PUDP: variants seen among roughly 807,000 people sequenced by gnomAD.
PUDP encodes the protein pseudouridine-5'-phosphatase.
In PUDP, 8 loss-of-function variants were observed where a neutral mutation model predicts 9.4. The ratio of observed to expected loss-of-function variants is 0.85; its 90% CI spans 0.50 to 1.53. The LOEUF (loss-of-function observed/expected upper bound fraction) is 1.53, where lower values mean the gene tolerates loss of function less well. Among genes scored for constraint, PUDP ranks in the 40% most tolerant of loss-of-function variants. PUDP has a pLI of 0.00. For synonymous variants in PUDP, 99 were observed against 80.7 expected (o/e 1.23, Z -1.22); for missense variants, 188 against 189.7 (o/e 0.99, Z 0.05).
At chrX:7,122,012 C>G (rs1932355261) in intron 1 of PUDP, among the ~76,000 whole-genome samples, 1 of 111,209 alleles carries the variant, frequency 9.0e-6, no homozygotes. Flanking sequence ...ACAGCGAGAC[C>G]CTGTCTCTAC....
chrX:6,769,788 G>A (rs200580225), intron 3 of PUDP, among the ~76,000 whole-genome samples: 15 of 112,180 alleles, frequency 1.3e-4, no homozygotes, highest in African/African-American at 3.6e-4. Flanking sequence ...TGAGCCTAGC[G>A]CCTGGGCTCT....
At position 6,888,316 on chromosome X, in the gene PUDP, T is replaced by G. The variant is rs1044907096; in HGVS notation, c.*247+88817A>C. Among the ~76,000 whole-genome samples, 4 of 110,188 alleles carry G rather than the reference T, an allele frequency of 3.6e-5. No homozygotes were observed. The East Asian group carries it at 1.1e-3, about 31-fold the overall frequency. On this transcript the variant is annotated intron_variant and NMD_transcript_variant, in intron 3 of 3. Coordinates refer to the PUDP transcript ENST00000655425. ...ATTTAAGTGGCCCCAGAAAAGGTAA[T>G]TGATCACATGTACGTGAACATTTTT...
At chrX:6,787,285 A>C (rs1227175252) in intron 3 of PUDP, among the ~76,000 whole-genome samples, 1 of 112,024 alleles carries the variant, frequency 8.9e-6, no homozygotes, top group Non-Finnish European at 1.9e-5. Flanking sequence ...ATTACCCTCA[A>C]AACATGTACC....
chrX:6,801,862 G>C (rs1317395257), intron 3 of PUDP, among the ~76,000 whole-genome samples: 1 of 112,038 alleles, frequency 8.9e-6, no homozygotes, highest in African/African-American at 3.2e-5. Flanking sequence ...GCTTCAAAGA[G>C]AGCGATGAGC....
chrX:6,725,841 T>C (rs1023340904), upstream of PUDP, among the ~76,000 whole-genome samples: 9 of 111,895 alleles, frequency 8.0e-5, no homozygotes, highest in East Asian at 1.1e-3. Flanking sequence ...ACAACTTCTA[T>C]GGAAAACAGT....
At chrX:6,769,846 T>C (rs1481059280) in intron 3 of PUDP, among the ~76,000 whole-genome samples, 1 of 111,997 alleles carries the variant, frequency 8.9e-6, no homozygotes, top group Non-Finnish European at 1.9e-5. Flanking sequence ...AAAATATTAA[T>C]ATAAAGAAAC....
downstream of PUDP, among the ~76,000 whole-genome samples, chrX:7,045,792 C>G (rs1325167835): frequency 9.0e-6 from 1 of 111,716 alleles, no homozygotes; most frequent in African/African-American, 3.3e-5. Context: ...AAAACCTGAA[C>G]GGTAGCTAGA....
intron 3 of PUDP, among the ~76,000 whole-genome samples, chrX:6,732,572 GGAGA>G (rs1185652324): frequency 2.9e-5 from 3 of 103,458 alleles, no homozygotes; most frequent in Non-Finnish European, 4.0e-5. Flanking sequence ...AGGTAGGGAG[GGAGA>G]GAGGGAGGGA....
intron 1 of PUDP, among the ~76,000 whole-genome samples, chrX:6,713,772 G>C (rs1270316269): frequency 9.0e-6 from 1 of 110,699 alleles, no homozygotes; most frequent in African/African-American, 3.3e-5. Flanking sequence ...GGACTGTCGG[G>C]CACTGTGGAT....
chrX:7,002,036 AGAT>A (rs1275758421), intron 1 of PUDP, among the ~76,000 whole-genome samples: 1 of 112,084 alleles, frequency 8.9e-6, no homozygotes, highest in African/African-American at 3.2e-5. Context: ...CATAAATAAA[AGAT>A]GATATTTGCA....
rs756476054 is a variant in PUDP, at chrX:7,098,955, C to T, written c.280+6665G>A. Among the ~76,000 whole-genome samples the T allele has an allele frequency of 5.4e-5, 6 of 110,924 alleles. No homozygotes were observed. The East Asian group carries it at 1.1e-3, about 21-fold the overall frequency. On this transcript the variant is annotated intron_variant, in intron 2 of 3. Transcript: ENST00000381077. ...CCGGCCAAGAGATGCAGGGGAGAGCCGGCCAGGCTGAGGAGCACATCTGCA... is the reference window on the plus strand; with the variant it reads ...CCGGCCAAGAGATGCAGGGGAGAGCTGGCCAGGCTGAGGAGCACATCTGCA...
intron 1 of PUDP, among the ~76,000 whole-genome samples, chrX:6,996,099 T>C (rs5935720): frequency 0.37 from 40,371 of 110,080 alleles, 5,512 homozygotes; most frequent in Non-Finnish European, 0.41. Context: ...TATGGGCAAA[T>C]ACATACACTG....
chrX:6,727,537 A>G (rs936055239), intron 3 of PUDP, among the ~76,000 whole-genome samples: 1 of 112,213 alleles, frequency 8.9e-6, no homozygotes, highest in African/African-American at 3.2e-5. Flanking sequence ...ACTTTTTACT[A>G]CTGGGTGTGC....
chrX:7,015,565 C>T (rs1016822950), intron 1 of PUDP, among the ~76,000 whole-genome samples: 4 of 111,349 alleles, frequency 3.6e-5, no homozygotes, highest in Non-Finnish European at 5.6e-5. Context: ...TAGGTCAGAT[C>T]ATTTCTTCTT....
intron 3 of PUDP, among the ~76,000 whole-genome samples, chrX:6,800,097 C>T (rs186161724): frequency 3.1e-3 from 351 of 111,723 alleles, no homozygotes; most frequent in Non-Finnish European, 5.1e-3. Flanking sequence ...GTGATAAATT[C>T]GAATACAATA....
chrX:6,895,051 C>T (rs1270415694), intron 3 of PUDP, among the ~76,000 whole-genome samples: 1 of 110,164 alleles, frequency 9.1e-6, no homozygotes, highest in African/African-American at 3.3e-5. Context: ...ATCATGGGTG[C>T]AAAGAGAGAA....
intron 3 of PUDP, among the ~76,000 whole-genome samples, chrX:6,923,239 G>A (rs755429335): frequency 1.8e-5 from 2 of 111,511 alleles, no homozygotes; most frequent in Non-Finnish European, 1.9e-5. Context: ...CATGTGCTCA[G>A]TTCTCATGCC....
At chrX:6,830,520 A>T (rs964234852) in intron 3 of PUDP, among the ~76,000 whole-genome samples, 2 of 112,364 alleles carry the variant, frequency 1.8e-5, no homozygotes, top group Non-Finnish European at 3.8e-5. Context: ...CGGGAAGTCT[A>T]TCATAAGTAG....
At chrX:7,099,810 G>A (rs927021069) in intron 2 of PUDP, among the ~76,000 whole-genome samples, 1 of 112,115 alleles carries the variant, frequency 8.9e-6, no homozygotes, top group Non-Finnish European at 1.9e-5. Context: ...ACCATAATCA[G>A]GGGGCTGATT....
Sources: gnomAD v4.1 joint callset for allele counts (sites outside exome capture counted in the v4.1 genomes callset) on GRCh38, gnomAD v4.1.1 for gene constraint, MANE v1.5 for transcripts, NCBI Gene and HGNC (gene_info 2026-07-23, HGNC 2026-07-21) for gene names.